Variants in KL observed in about 807,000 individuals in gnomAD.
KL encodes alpha-klotho.
KL carries 62 observed loss-of-function variants against 84.2 expected under a neutral mutation model. The observed-to-expected ratio is 0.74, with a 90% CI of 0.60 to 0.91. The LOEUF is 0.91. Ranked by LOEUF, KL falls within the 40% of genes least tolerant of loss-of-function variation. The pLI is 0.00. For missense variants in KL, 1,261 were observed against 1,305.7 expected (o/e 0.97, Z 0.53); for synonymous variants, 528 against 528.0 (o/e 1.00, Z 0.00).
In KL at chr13:33,017,021, G is replaced by C. The variant is rs990854079; in HGVS notation, c.581G>C (p.Trp194Ser). The change falls in exon 1 of 5, where the codon TGG (tryptophan) becomes TCG (serine). Residue 194 changes from tryptophan (W) to serine (S), a missense_variant. Trp to Ser is a radical substitution (Grantham distance 177, BLOSUM62 -3). Transcript: ENST00000380099. ...CAGCCCGTGGTCACCCTGTACCACTGGGACCTGCCCCAGCGCCTGCAGGAC... is the reference window on the plus strand; with the variant it reads ...CAGCCCGTGGTCACCCTGTACCACTCGGACCTGCCCCAGCGCCTGCAGGAC... ...GVQPVVTLYH[W>S]DLPQRLQDAY... The C allele has an allele frequency of 5.5e-5, 88 of 1,596,928 alleles. No individual in the cohort carries two copies. The highest frequency in any genetic ancestry group is 1.2e-4 in the African/African-American group (9 of 74,812).
chr13:33,040,338 TCAGA>T lies in KL; in HGVS notation c.820-13426_820-13423del, dbSNP rs1389436063. 3.3e-5 allele frequency among the ~76,000 whole-genome samples: 5 copies of T among 152,214 alleles called. No homozygotes were observed. The East Asian group carries it at 5.8e-4, about 18-fold the overall frequency. ...GTAGCAGTGACTTTTAAGGAAGTCCTCAGACAATGTAATCCCAATACTCTTCTTG... is the reference window on the plus strand; with the variant it reads ...GTAGCAGTGACTTTTAAGGAAGTCCTCAATGTAATCCCAATACTCTTCTTG... On this transcript the variant is annotated intron_variant, in intron 1 of 4. Coordinates refer to ENST00000380099, the MANE Select transcript of KL (RefSeq NM_004795.4).
chr13:33,022,602 C>A (rs991657354), intron 1 of KL, among the ~76,000 whole-genome samples: 1 of 152,156 alleles, frequency 6.6e-6, no homozygotes, highest in East Asian at 1.9e-4. Context: ...ATGAAGATAA[C>A]CTGAAGGATG....
In KL at chr13:33,050,502, G is replaced by C. The variant is rs141935904; in HGVS notation, c.820-3265G>C. Among the ~76,000 whole-genome samples, 257 of 152,340 alleles carry C rather than the reference G, an allele frequency of 1.7e-3. 1 individual carries two copies. The highest frequency in any genetic ancestry group is 5.7e-3 in the African/African-American group (238 of 41,574). On this transcript the variant is annotated intron_variant, in intron 1 of 4. Transcript: ENST00000380099. The stretch of plus-strand genomic sequence containing the variant: ...ACAATGAGGGCCTCCGTGTGCCAGG[G>C]AGGGAGTGAGGGAACTCCACAGGGA...
At chr13:33,025,731 T>C (rs1201874119) in intron 1 of KL, among the ~76,000 whole-genome samples, 2 of 152,220 alleles carry the variant, frequency 1.3e-5, no homozygotes, top group East Asian at 3.8e-4. Context: ...ATTTTGTTCA[T>C]GCCGCCCAAG....
intron 1 of KL, among the ~76,000 whole-genome samples, chr13:33,032,334 G>C (rs1459298393): frequency 2.0e-5 from 3 of 152,112 alleles, no homozygotes; most frequent in African/African-American, 7.2e-5. Flanking sequence ...CAAACTTATG[G>C]GTCAGGATTA....
chr13:33,060,742 A>C lies in KL; in HGVS notation c.1663A>C (p.Lys555Gln), dbSNP rs767737092. ...TTACCTGTGGGATGTCCACCACAGT[A>C]AAAGGCTTATTAAAGTGGATGGGGT... ...NVYLWDVHHS[K>Q]RLIKVDGVVT... The change falls in exon 4 of 5, where the codon AAA (lysine) becomes CAA (glutamine). Residue 555 changes from lysine to glutamine, a missense_variant. Transcript: ENST00000380099. 4.3e-6 allele frequency: 7 copies of C among 1,614,092 alleles called. No individual in the cohort carries two copies. Among genetic ancestry groups the C allele is most frequent in the South Asian group, 1.1e-5 (1 of 91,090 alleles).
At position 33,065,351 on chromosome 13, in the gene KL, A is replaced by C. The variant is rs1462183096; in HGVS notation, c.*1165A>C. ...GTTTTACTTTGAACTTTCACGCTGA[A>C]ACATGCTAGTGATATCTAGAAAGGG... On this transcript the variant is annotated 3_prime_UTR_variant, in exon 5 of 5. Coordinates refer to ENST00000380099, the MANE Select transcript of KL (RefSeq NM_004795.4). 3.4e-5 allele frequency: 7 copies of C among 206,702 alleles called. No homozygotes were observed. In the East Asian group the frequency reaches 5.2e-4, roughly 15 times the overall value. 12.8% of individuals were successfully genotyped at this position (206,702 alleles called of 1,614,324 possible). A position where few individuals can be genotyped will look rare whatever the true frequency, so the allele number is the denominator to read the frequency against.
chr13:33,032,831 G>A (rs1871021349), intron 1 of KL, among the ~76,000 whole-genome samples: 4 of 151,780 alleles, frequency 2.6e-5, no homozygotes, highest in South Asian at 2.1e-4. Flanking sequence ...GCCTTTTTCC[G>A]TCTCTCCAGG....
chr13:33,029,096 G>T (rs1351441984), intron 1 of KL, among the ~76,000 whole-genome samples: 2 of 152,126 alleles, frequency 1.3e-5, no homozygotes, highest in Non-Finnish European at 2.9e-5. Flanking sequence ...TATATTACTT[G>T]TATTTTTAAT....
intron 1 of KL, among the ~76,000 whole-genome samples, chr13:33,018,478 C>T (rs1870453035): frequency 6.6e-6 from 1 of 152,128 alleles, no homozygotes; most frequent in Non-Finnish European, 1.5e-5. Context: ...TATGTCAGTT[C>T]CACAAAACCT....
intron 1 of KL, among the ~76,000 whole-genome samples, chr13:33,044,200 C>A (rs1343928547): frequency 2.0e-5 from 3 of 152,116 alleles, no homozygotes; most frequent in Non-Finnish European, 2.9e-5. Flanking sequence ...TATCCTTATG[C>A]CAATATCACC....
At chr13:33,024,488 G>A (rs530434) in intron 1 of KL, among the ~76,000 whole-genome samples, 89,524 of 152,016 alleles carry the variant, frequency 0.59, 28,255 homozygotes, top group Middle Eastern at 0.72. Flanking sequence ...GACTGAGGAC[G>A]AGTGGTTGGA....
chr13:33,058,821 C>G (rs371594955), intron 3 of KL, among the ~76,000 whole-genome samples: 1 of 152,234 alleles, frequency 6.6e-6, no homozygotes, highest in East Asian at 1.9e-4. Flanking sequence ...CCTTCAAACT[C>G]TGAACGCTTC....
intron 1 of KL, among the ~76,000 whole-genome samples, chr13:33,047,356 C>CTTT (rs57916391): frequency 7.2e-6 from 1 of 139,228 alleles, no homozygotes. Flanking sequence ...AATCTACTTT[C>CTTT]TTTTTTTTTT....
chr13:33,029,809 A>ATTTTTAG (rs1470803514), intron 1 of KL, among the ~76,000 whole-genome samples: 19 of 151,918 alleles, frequency 1.3e-4, no homozygotes, highest in Non-Finnish European at 4.4e-5. Context: ...AATTTTTTGT[A>ATTTTTAG]TTTTTAGTAG....
At chr13:33,041,321 G>A (rs1871332015) in intron 1 of KL, among the ~76,000 whole-genome samples, 1 of 150,414 alleles carries the variant, frequency 6.6e-6, no homozygotes, top group African/African-American at 2.4e-5. Flanking sequence ...GGACATTTAT[G>A]TTGTTTTCAG....
Position 33,061,846 on chromosome 13 carries a change from A to G in KL, c.2701+66A>G. 5 of 1,514,130 alleles carry G rather than the reference A, an allele frequency of 3.3e-6. No homozygotes were observed. In the East Asian group the frequency reaches 9.0e-5, roughly 27 times the overall value. 93.8% of individuals were successfully genotyped at this position (1,514,130 alleles called of 1,614,324 possible). ...CACCAGAGGGCATGACACTTGATTA[A>G]ATCTCCAACATCAACACACACTGCC... On this transcript the variant is annotated intron_variant, in intron 4 of 4. Transcript: ENST00000380099.
At chr13:33,018,594 C>G (rs747297396) in intron 1 of KL, among the ~76,000 whole-genome samples, 1 of 152,158 alleles carries the variant, frequency 6.6e-6, no homozygotes, top group Non-Finnish European at 1.5e-5. Context: ...TGTTTTAGAG[C>G]GGTGATTCTT....
rs181594937 is a variant in KL, at chr13:33,060,196, C to T, written c.1600-483C>T. ...CTGGCCTCAAGTGACCCTCCCGCCT[C>T]GGCCTCTCAAAGTGCTGGGATTATA... On this transcript the variant is annotated intron_variant, in intron 3 of 4. Coordinates refer to ENST00000380099, the MANE Select transcript of KL (RefSeq NM_004795.4). 3.9e-4 allele frequency among the ~76,000 whole-genome samples: 60 copies of T among 152,138 alleles called. No homozygotes were observed. The East Asian group carries it at 7.2e-3, about 18-fold the overall frequency.
Sources: gnomAD v4.1 joint callset for allele counts (sites outside exome capture counted in the v4.1 genomes callset) on GRCh38, gnomAD v4.1.1 for gene constraint, MANE v1.5 for transcripts, NCBI Gene and HGNC (gene_info 2026-07-23, HGNC 2026-07-21) for gene names.